PUS1: variants seen among roughly 807,000 people sequenced by gnomAD.
The protein encoded by PUS1 is pseudouridylate synthase 1 homolog.
PUS1 carries 25 observed loss-of-function variants against 38.5 expected under a neutral mutation model. The observed-to-expected ratio is 0.65, with a 90% confidence interval of 0.47 to 0.91. The LOEUF is 0.91. Among genes scored for constraint, PUS1 ranks in the 40% least tolerant of loss-of-function variants. PUS1 has a pLI of 0.00. For synonymous variants in PUS1, 282 were observed against 260.4 expected, an observed-to-expected ratio of 1.08 and a Z score of -0.80; for missense variants, 597 against 612.3, an observed-to-expected ratio of 0.97 and a Z score of 0.26.
At chr12:131,930,281 C>T (rs1011329406) in intron 2 of PUS1, 146 bp downstream of exon 2, 1 of 458,680 alleles carries the variant, frequency 2.2e-6, no homozygotes. Context: ...CAGGCCCAAG[C>T]AGCTTTCACT....
chr12:131,942,648 C>A (rs190056988), intron 5 of PUS1, among the ~76,000 whole-genome samples: 5 of 152,182 alleles, frequency 3.3e-5, no homozygotes, highest in African/African-American at 7.2e-5. Flanking sequence ...CCTTGTGATC[C>A]ACCCGCCTTG....
chr12:131,933,676 G>T (rs1297781105), intron 3 of PUS1, among the ~76,000 whole-genome samples: 1 of 152,260 alleles, frequency 6.6e-6, no homozygotes, highest in Non-Finnish European at 1.5e-5. Context: ...TGAACCATGG[G>T]ATTGGGTGTG....
rs749537010 is a variant in PUS1 at position 131,932,304 on chromosome 12, A to G, written c.433A>G (p.Thr145Ala). The G allele has an allele frequency of 4.3e-6, 7 of 1,613,350 alleles. No individual in the cohort carries two copies. Among genetic ancestry groups the G allele is most frequent in the South Asian group, 1.1e-5 (1 of 91,038 alleles). Residue 145 changes from threonine (T) to alanine (A), a missense_variant, in exon 3 of 6, where the codon ACA becomes GCA. By Grantham distance (58) the Thr-to-Ala change is moderately conservative. Transcript: ENST00000376649. ...AATGTCCTTCCAGCGCTGCGCCCGG[A>G]CAGACAAGGTGGGTGGTGGCCTTCT... ...RKMSFQRCAR[T>A]DKGVSAAGQV... is the part of the protein sequence containing the mutation.
Position 131,943,566 on chromosome 12 carries a change from G to A in PUS1, c.1264G>A (p.Gly422Arg). The change falls in exon 6 of 6, where the codon GGG becomes AGG. Residue 422 changes from glycine (G) to arginine (R), a missense_variant. Gly to Arg is a moderately radical substitution (Grantham distance 125, BLOSUM62 -2). Coordinates refer to ENST00000376649, the MANE Select transcript of PUS1 (RefSeq NM_025215.6). Reference sequence around the variant, plus strand: ...GCCCAGTCCCCTGGAAGGCAGTGAAGGGGACGGAGACACTGACTGAGGCGA... The same window carrying A: ...GCCCAGTCCCCTGGAAGGCAGTGAAAGGGACGGAGACACTGACTGAGGCGA... ...KVPSPLEGSEGDGDTD is the reference protein window; with the variant it reads ...KVPSPLEGSERDGDTD 1 of 1,613,734 alleles carries A rather than the reference G, an allele frequency of 6.2e-7. No individual in the cohort carries two copies. The highest frequency in any genetic ancestry group is 8.5e-7 in the Non-Finnish European group (1 of 1,179,798).
Position 131,943,446 on chromosome 12 carries a change from TCCTGTGCCAAGCCTGTCATGGGCC to T in PUS1, c.1237-86_1237-63del, listed in dbSNP as rs1891175605. On this transcript the variant is annotated intron_variant, in intron 5 of 5. Coordinates refer to ENST00000376649, the MANE Select transcript of PUS1 (RefSeq NM_025215.6). ...GATGAGGGAGTGGTGGGGGCAAGGC[TCCTGTGCCAAGCCTGTCATGGGCC>T]CCTGTGGGCATCCAGGAGCAGTGGA... 32 of 1,014,054 alleles carry T rather than the reference TCCTGTGCCAAGCCTGTCATGGGCC, an allele frequency of 3.2e-5. No individual in the cohort carries two copies. The South Asian group carries it at 3.8e-4, about 12-fold the overall frequency. The allele number at this position is 1,014,054 out of a possible 1,614,324, so 62.8% of individuals were successfully genotyped here.
At chr12:131,942,175 G>A (rs563729009) in intron 5 of PUS1, among the ~76,000 whole-genome samples, 192 bp downstream of exon 5, 9 of 152,240 alleles carry the variant, frequency 5.9e-5, no homozygotes, top group South Asian at 4.1e-4. Context: ...GCTCCCCCAC[G>A]GGGTGCTTTT....
rs1483146918 is a variant in PUS1 at position 131,945,503 on chromosome 12, T to G, written c.*1917T>G. On this transcript the variant is annotated 3_prime_UTR_variant, in exon 6 of 6. Transcript: ENST00000376649. ...GATAGACAGGACTTTATTTTTTATT[T>G]TTATTTTGTTTGAGACGGAGTCTCG... 2 of 152,240 alleles carry G rather than the reference T, an allele frequency of 1.3e-5. No homozygotes were observed. The highest frequency in any genetic ancestry group is 4.8e-5 in the African/African-American group (2 of 41,450). 9.4% of individuals were successfully genotyped at this position (152,240 alleles called of 1,614,324 possible). A position where few individuals can be genotyped will look rare whatever the true frequency, so the allele number is the denominator to read the frequency against.
chr12:131,943,530 C>G lies in PUS1; in HGVS notation c.1237-9C>G, dbSNP rs1891179891. On this transcript the variant is annotated splice_polypyrimidine_tract_variant and intron_variant, in intron 5 of 5. Coordinates refer to ENST00000376649, the MANE Select transcript of PUS1 (RefSeq NM_025215.6). Reference sequence around the variant, plus strand: ...TGCCTCTTATTCTCCATGTGGTCTTCTTCTGCAGGTGCCCAGTCCCCTGGA... The same window carrying G: ...TGCCTCTTATTCTCCATGTGGTCTTGTTCTGCAGGTGCCCAGTCCCCTGGA... The G allele has an allele frequency of 6.2e-7, 1 of 1,612,606 alleles. No homozygotes were observed. Among genetic ancestry groups the G allele is most frequent in the South Asian group, 1.1e-5 (1 of 91,054 alleles).
intron 3 of PUS1, among the ~76,000 whole-genome samples, chr12:131,933,313 T>G (rs904849740): frequency 9.2e-5 from 14 of 151,910 alleles, no homozygotes; most frequent in African/African-American, 2.9e-4. Flanking sequence ...TTTACAGGCA[T>G]GAACCGCCAC....
Position 131,929,795 on chromosome 12 carries a change from T to C in PUS1, c.73T>C (p.Cys25Arg). 1 of 1,584,494 alleles carries C rather than the reference T, an allele frequency of 6.3e-7. No homozygotes were observed. Among genetic ancestry groups the C allele is most frequent in the Non-Finnish European group, 8.5e-7 (1 of 1,174,268 alleles). ...CCTGCGCCTGGGACCGCGTCCGTCCTGGTAATGACCGCGACGCCGGGCGAC... is the reference window on the plus strand; with the variant it reads ...CCTGCGCCTGGGACCGCGTCCGTCCCGGTAATGACCGCGACGCCGGGCGAC... ...WTLRLGPRPS[C>R]SPRMAGNAEP... The change falls in exon 1 of 6, where the codon TGC becomes CGC. Residue 25 changes from cysteine to arginine, a missense_variant and splice_region_variant. Physicochemically the swap from Cys to Arg is radical, Grantham distance 180. Transcript: ENST00000376649.
chr12:131,935,445 G>A (rs1890781231), intron 3 of PUS1, among the ~76,000 whole-genome samples: 1 of 152,200 alleles, frequency 6.6e-6, no homozygotes, highest in Non-Finnish European at 1.5e-5. Flanking sequence ...GAAACCTGCA[G>A]AAGTAAATCC....
intron 3 of PUS1, among the ~76,000 whole-genome samples, chr12:131,933,512 A>G (rs919086061): frequency 4.6e-5 from 7 of 152,216 alleles, no homozygotes; most frequent in Non-Finnish European, 1.0e-4. Flanking sequence ...TCTCAGCTGC[A>G]TGGGGCTGGT....
At position 131,930,001 on chromosome 12, in the gene PUS1, C is replaced by G; in HGVS notation, c.169C>G (p.Arg57Gly). 1.3e-6 allele frequency: 2 copies of G among 1,483,194 alleles called. No individual in the cohort carries two copies. Among genetic ancestry groups the G allele is most frequent in the Non-Finnish European group, 1.8e-6 (2 of 1,126,234 alleles). 91.9% of individuals were successfully genotyped at this position (1,483,194 alleles called of 1,614,324 possible). A position where few individuals can be genotyped will look rare whatever the true frequency, so the allele number is the denominator to read the frequency against. Reference sequence around the variant, plus strand: ...CTGCAGCGGCCGGGCCGGGGGCGACCGCGTCTGGGAGGACGGAGAACATCC... The same window carrying G: ...CTGCAGCGGCCGGGCCGGGGGCGACGGCGTCTGGGAGGACGGAGAACATCC... ...RSCSGRAGGD[R>G]VWEDGEHPAK... Residue 57 changes from arginine to glycine, a missense_variant, in exon 2 of 6, where the codon CGC becomes GGC. Coordinates refer to ENST00000376649, the MANE Select transcript of PUS1 (RefSeq NM_025215.6).
At position 131,929,778 on chromosome 12, in the gene PUS1, TG is replaced by T. The variant is rs1890498154; in HGVS notation, c.59del (p.Gly20AspfsTer115). 1.9e-6 allele frequency: 3 copies of T among 1,590,516 alleles called. No individual in the cohort carries two copies. The East Asian group carries it at 6.9e-5, about 36-fold the overall frequency. ...GCCTTCGGACGGTGGACCCTGCGCC[TG>T]GGACCGCGTCCGTCCTGGTAATGAC... ...LGAFGRWTLR[L>X]GPRPSCSPRM... On this transcript the variant is annotated frameshift_variant, in exon 1 of 6. Coordinates refer to ENST00000376649, the MANE Select transcript of PUS1 (RefSeq NM_025215.6). LOFTEE classifies it high-confidence loss of function.
At chr12:131,931,285 A>T (rs1225998336) in intron 2 of PUS1, among the ~76,000 whole-genome samples, 1 of 151,824 alleles carries the variant, frequency 6.6e-6, no homozygotes, top group Non-Finnish European at 1.5e-5. Context: ...CAGCCTCCCG[A>T]GTAGCTGGGA....
Position 131,940,943 on chromosome 12 carries a change from T to C in PUS1, c.545-349T>C, listed in dbSNP as rs1593295754. ...GAATTATGTGTGATATTTCCAGTCA[T>C]GTATAAAGATCAAATAGGGCAATTA... On this transcript the variant is annotated intron_variant, in intron 4 of 5. Coordinates refer to ENST00000376649, the MANE Select transcript of PUS1 (RefSeq NM_025215.6). The C allele has an allele frequency of 2.4e-5, 7 of 294,172 alleles. No individual in the cohort carries two copies. In the East Asian group the frequency reaches 4.7e-4, roughly 20 times the overall value. 18.2% of individuals were successfully genotyped at this position (294,172 alleles called of 1,614,324 possible).
At chr12:131,930,816 T>C (rs565137847) in intron 2 of PUS1, among the ~76,000 whole-genome samples, 1 of 152,084 alleles carries the variant, frequency 6.6e-6, no homozygotes, top group East Asian at 1.9e-4. Flanking sequence ...TTTGCAGGAA[T>C]GGTGTCTTGC....
intron 3 of PUS1, among the ~76,000 whole-genome samples, chr12:131,935,659 G>A (rs1047197046): frequency 2.2e-4 from 33 of 152,056 alleles, no homozygotes; most frequent in African/African-American, 5.8e-4. Flanking sequence ...TCAGCCTCCC[G>A]AGTAGCTGGG....
At chr12:131,935,730 T>A (rs1890794987) in intron 3 of PUS1, among the ~76,000 whole-genome samples, 1 of 151,742 alleles carries the variant, frequency 6.6e-6, no homozygotes, top group Non-Finnish European at 1.5e-5. Context: ...ATGGGGTTTC[T>A]CCATGTTGAT....
Sources: allele counts gnomAD v4.1 joint callset (sites outside exome capture counted in the v4.1 genomes callset), GRCh38; gene constraint gnomAD v4.1.1; transcripts MANE v1.5; gene names NCBI Gene and HGNC (gene_info 2026-07-23, HGNC 2026-07-21).